Variants in CNTNAP3B observed in about 807,000 individuals in gnomAD.
CNTNAP3B encodes the protein contactin-associated protein-like 3B.
CNTNAP3B carries 25 observed loss-of-function variants against 108.9 expected under a neutral mutation model. The observed-to-expected ratio is 0.23, with a 90% CI of 0.17 to 0.32. CNTNAP3B has a LOEUF of 0.32. Among genes scored for constraint, CNTNAP3B ranks in the 10% least tolerant of loss-of-function variants. The pLI is 1.00. For synonymous variants in CNTNAP3B, 103 were observed against 473.4 expected (o/e 0.22, Z 10.16); for missense variants, 252 against 1,210.4 (o/e 0.21, Z 11.75).
chr9:41,926,987 G>T (rs1372799795), intron 15 of CNTNAP3B, among the ~76,000 whole-genome samples: 5 of 152,286 alleles, frequency 3.3e-5, no homozygotes, highest in African/African-American at 1.2e-4. Flanking sequence ...ATTTCCAGGG[G>T]TTATTACTGA....
At chr9:42,115,757 G>A (rs1828301076) in intron 1 of CNTNAP3B, among the ~76,000 whole-genome samples, 1 of 120,180 alleles carries the variant, frequency 8.3e-6, no homozygotes, top group African/African-American at 3.5e-5. Context: ...CACAAAGATG[G>A]GGAGAAACCA....
chr9:41,915,849 T>C (rs1187399229), intron 18 of CNTNAP3B, among the ~76,000 whole-genome samples: 1 of 151,236 alleles, frequency 6.6e-6, no homozygotes, highest in Non-Finnish European at 1.5e-5. Flanking sequence ...TAGGTTTTGG[T>C]ATATAGGCCT....
chr9:42,117,874 T>G (rs1587285924), intron 1 of CNTNAP3B, among the ~76,000 whole-genome samples: 1 of 139,076 alleles, frequency 7.2e-6, no homozygotes, highest in Admixed American at 7.2e-5. Context: ...AAATACAAAC[T>G]ACCATCAGAG....
intron 3 of CNTNAP3B, among the ~76,000 whole-genome samples, chr9:42,053,536 A>G (rs1286118547): frequency 1.5e-5 from 2 of 136,634 alleles, no homozygotes; most frequent in African/African-American, 5.9e-5. Context: ...CTCAGAAGTC[A>G]TTCACATGAC....
chr9:41,924,691 A>ACT (rs1314384820), intron 15 of CNTNAP3B, among the ~76,000 whole-genome samples: 13 of 140,096 alleles, frequency 9.3e-5, no homozygotes, highest in African/African-American at 1.4e-4. Flanking sequence ...ACACACACAC[A>ACT]GTCTTAATTC....
intron 11 of CNTNAP3B, 121 bp from the exon 12 acceptor site, chr9:41,961,013 T>C (rs1825072124): frequency 1.3e-6 from 2 of 1,510,014 alleles, no homozygotes; most frequent in Non-Finnish European, 8.9e-7. Flanking sequence ...ATCATTTTTA[T>C]AGTGTATGAA....
intron 2 of CNTNAP3B, among the ~76,000 whole-genome samples, chr9:42,086,152 G>A (rs11791005): frequency 1.4e-5 from 2 of 140,596 alleles, no homozygotes; most frequent in African/African-American, 5.6e-5. Context: ...GCAAACAAGA[G>A]AGAATGATTA....
intron 18 of CNTNAP3B, among the ~76,000 whole-genome samples, chr9:41,916,061 T>G (rs1823509328): frequency 1.3e-5 from 2 of 151,188 alleles, no homozygotes; most frequent in Non-Finnish European, 3.0e-5. Flanking sequence ...TTTATATAAT[T>G]TGTTCTCTTT....
chr9:41,954,571 A>G (rs1275624827), intron 12 of CNTNAP3B, among the ~76,000 whole-genome samples: 1 of 152,302 alleles, frequency 6.6e-6, no homozygotes, highest in Non-Finnish European at 1.5e-5. Context: ...AAATTAAATT[A>G]TCACTCCACT....
At chr9:41,941,244 T>C (rs1473444350) in intron 13 of CNTNAP3B, among the ~76,000 whole-genome samples, 1 of 149,866 alleles carries the variant, frequency 6.7e-6, no homozygotes, top group East Asian at 1.9e-4. Context: ...GGTTAAAATA[T>C]AACAAAAGTT....
chr9:41,942,233 T>C (rs1359933199), intron 13 of CNTNAP3B, among the ~76,000 whole-genome samples: 1 of 152,408 alleles, frequency 6.6e-6, no homozygotes, highest in Non-Finnish European at 1.5e-5. Flanking sequence ...CCCAGCACTT[T>C]GGGAGGCCGA....
At position 42,014,786 on chromosome 9, in the gene CNTNAP3B, G is replaced by A. The variant is rs1187632641; in HGVS notation, c.391-1261C>T. The stretch of plus-strand genomic sequence containing the variant: ...AGCCTGGGCAACAGAGGTAGACTCC[G>A]TCACAAAAAAAAAAAAAAAAAAAGA... On this transcript the variant is annotated intron_variant, in intron 3 of 23. Transcript: ENST00000377561. Among the ~76,000 whole-genome samples, 12 of 57,212 alleles carry A rather than the reference G, an allele frequency of 2.1e-4. 1 individual carries two copies. Among genetic ancestry groups the A allele is most frequent in the Non-Finnish European group, 2.8e-4 (9 of 32,390 alleles). 37.5% of individuals were successfully genotyped at this position (57,212 alleles called of 152,430 possible).
intron 10 of CNTNAP3B, among the ~76,000 whole-genome samples, chr9:41,969,027 A>T (rs1587161430): frequency 6.6e-6 from 1 of 152,286 alleles, no homozygotes; most frequent in Non-Finnish European, 1.5e-5. Flanking sequence ...CGATCTCCTG[A>T]CCTCGTGATC....
At position 42,046,066 on chromosome 9, in the gene CNTNAP3B, C is replaced by T. The variant is rs1174224818; in HGVS notation, c.390+30803G>A. ...TCATTTCCCACAGAGCTGTTGTCCC[C>T]GTCTTCCTCCCCACAGTCAGTGCTG... On this transcript the variant is annotated intron_variant, in intron 3 of 23. Coordinates refer to ENST00000377561, the MANE Select transcript of CNTNAP3B (RefSeq NM_001201380.3). Among the ~76,000 whole-genome samples, 9 of 125,496 alleles carry T rather than the reference C, an allele frequency of 7.2e-5. 1 individual carries two copies. Among genetic ancestry groups the T allele is most frequent in the Admixed American group, 1.6e-4 (2 of 12,470 alleles). The allele number at this position is 125,496 out of a possible 152,430, so 82.3% of individuals were successfully genotyped here. A position where few individuals can be genotyped will look rare whatever the true frequency, so the allele number is the denominator to read the frequency against.
intron 14 of CNTNAP3B, among the ~76,000 whole-genome samples, chr9:41,933,342 T>A (rs907006878): frequency 6.6e-6 from 1 of 152,298 alleles, no homozygotes; most frequent in African/African-American, 2.4e-5. Flanking sequence ...CTTCAGACAA[T>A]GCCAAATGTC....
chr9:42,124,564 G>A (rs562955790), intron 1 of CNTNAP3B, among the ~76,000 whole-genome samples: 2 of 126,718 alleles, frequency 1.6e-5, no homozygotes, highest in East Asian at 5.0e-4. Context: ...GTACAACCAA[G>A]CGTTTGCAAA....
intron 10 of CNTNAP3B, among the ~76,000 whole-genome samples, chr9:41,967,824 C>T (rs565749525): frequency 7.1e-4 from 108 of 152,354 alleles, no homozygotes; most frequent in African/African-American, 2.4e-3. Context: ...TTATTTGTAG[C>T]CCTATTTGAA....
intron 2 of CNTNAP3B, among the ~76,000 whole-genome samples, chr9:42,104,187 ATCT>A (rs1300418018): frequency 8.3e-6 from 1 of 120,790 alleles, no homozygotes; most frequent in Non-Finnish European, 1.7e-5. Flanking sequence ...CATAATAAAA[ATCT>A]TCTTAAACGT....
chr9:42,056,258 G>A (rs1265741263), intron 3 of CNTNAP3B, among the ~76,000 whole-genome samples: 1 of 136,690 alleles, frequency 7.3e-6, no homozygotes, highest in Non-Finnish European at 1.6e-5. Context: ...AAACTGAGTA[G>A]TACCTCACTG....
Sources: gnomAD v4.1 joint callset for allele counts (sites outside exome capture counted in the v4.1 genomes callset) on GRCh38, gnomAD v4.1.1 for gene constraint, MANE v1.5 for transcripts, NCBI Gene and HGNC (gene_info 2026-07-23, HGNC 2026-07-21) for gene names.